The following NEMF variants were observed in gnomAD, a reference collection of about 807,000 sequenced individuals.
NEMF encodes ribosome quality control complex subunit NEMF.
A neutral mutation model predicts 162.2 loss-of-function variants in NEMF; 89 were observed. The ratio of observed to expected loss-of-function variants is 0.55; its 90% CI spans 0.46 to 0.65. NEMF has a LOEUF of 0.65. Ranked by LOEUF, NEMF falls within the 30% of genes least tolerant of loss-of-function variation. NEMF has a pLI of 0.00. For synonymous variants in NEMF, 421 were observed against 404.5 expected, an observed-to-expected ratio of 1.04 and a Z score of -0.49; for missense variants, 1,133 against 1,261.9, an observed-to-expected ratio of 0.90 and a Z score of 1.55.
rs778561811 is a variant in NEMF at position 49,782,523 on chromosome 14, C to T, written c.*2113G>A. 5 of 1,602,446 alleles carry T rather than the reference C, an allele frequency of 3.1e-6. No individual in the cohort carries two copies. The highest frequency in any genetic ancestry group is 4.3e-6 in the Non-Finnish European group (5 of 1,171,654). Reference sequence around the variant, plus strand: ...CAAAGCATTTGCTTTTAAATGTGTTCTTCCTATTTATTTTTCAGGCACACA... The same window carrying T: ...CAAAGCATTTGCTTTTAAATGTGTTTTTCCTATTTATTTTTCAGGCACACA... On this transcript the variant is annotated 3_prime_UTR_variant, in exon 33 of 33. Transcript: ENST00000298310.
Position 49,829,050 on chromosome 14 carries a change from T to C in NEMF, c.1232+4A>G, listed in dbSNP as rs148593806. On this transcript the variant is annotated splice_donor_region_variant and intron_variant, in intron 13 of 32. Transcript: ENST00000298310. ...TTAACTGCTTGACTAAGAGTCAAAC[T>C]TACCTTAGCAGCATTGTAACATGGT... is the stretch of plus-strand genomic sequence containing the variant. The C allele has an allele frequency of 3.3e-4, 538 of 1,612,162 alleles. 1 individual carries two copies. In the African/African-American group the frequency reaches 5.3e-3, roughly 16 times the overall value.
In NEMF at chr14:49,789,309, T is replaced by G. The variant is rs780954215; in HGVS notation, c.2732A>C (p.Lys911Thr). 6.2e-7 allele frequency: 1 copy of G among 1,614,062 alleles called. No homozygotes were observed. The highest frequency in any genetic ancestry group is 1.3e-5 in the African/African-American group (1 of 74,942). ...AGSNKEEKGK[K>T]GKKGKTKDEP... ...GTCCTTTGTTTTTCCTTTCTTCCCC[T>G]TCTTCCCTTTTTCTTCTTTGTTTGA... The change falls in exon 28 of 33, where the codon AAG becomes ACG. Residue 911 changes from lysine to threonine, a missense_variant. By Grantham distance (78) the Lys-to-Thr change is moderately conservative. This residue lies in a region of NEMF where 532 missense variants were observed against 578.6 expected (regional missense o/e 0.92). Transcript: ENST00000298310.
intron 5 of NEMF, among the ~76,000 whole-genome samples, chr14:49,840,462 A>T (rs1385743837): frequency 0.02 from 2 of 98 alleles, no homozygotes; most frequent in African/African-American, 0.033. Flanking sequence ...ACTCCATCTC[A>T]AAAAAAAAAA....
chr14:49,825,673 C>A (rs1447443594), intron 16 of NEMF, among the ~76,000 whole-genome samples, 194 bp downstream of exon 16: 1 of 152,154 alleles, frequency 6.6e-6, no homozygotes, highest in Non-Finnish European at 1.5e-5. Context: ...GAGGTCAATG[C>A]TACAGTGAGC....
rs35959560 is a variant in NEMF at position 49,784,230 on chromosome 14, G to GT, written c.*405dup. 18 of 152,914 alleles carry GT rather than the reference G, an allele frequency of 1.2e-4. No homozygotes were observed. Among genetic ancestry groups the GT allele is most frequent in the Admixed American group, 9.9e-4 (15 of 15,160 alleles). The allele number at this position is 152,914 out of a possible 1,614,324, so 9.5% of individuals were successfully genotyped here. A position where few individuals can be genotyped will look rare whatever the true frequency, so the allele number is the denominator to read the frequency against. On this transcript the variant is annotated 3_prime_UTR_variant, in exon 33 of 33. Transcript: ENST00000298310. ...CTTTTGGTGAATATAGCAAGGCAAT[G>GT]TTTAGTTCATTTGGCCTGTAATATA...
rs1020309875 is a variant in NEMF at position 49,828,794 on chromosome 14, A to G, written c.1246T>C (p.Leu416=). 1 of 1,538,170 alleles carries G rather than the reference A, an allele frequency of 6.5e-7. No individual in the cohort carries two copies. Among genetic ancestry groups the G allele is most frequent in the Non-Finnish European group, 8.8e-7 (1 of 1,138,556 alleles). The change falls in exon 14 of 33, where the codon TTA becomes CTA. Residue 416 remains leucine, a synonymous_variant. Coordinates refer to ENST00000298310, the MANE Select transcript of NEMF (RefSeq NM_004713.6). ...ACATCATCATCTTCCTCCTCTGATA[A>G]CAAGTATGGATTTCTATTAAAAATA... ...VTMLLRNPYL[L]SEEEDDDVDG...
At chr14:49,821,593 G>C (rs1285509695) in intron 16 of NEMF, among the ~76,000 whole-genome samples, 1 of 101,274 alleles carries the variant, frequency 9.9e-6, no homozygotes, top group Non-Finnish European at 2.1e-5. Flanking sequence ...AGGTGGGGGG[G>C]TCAGCCCCCC....
At chr14:49,846,026 T>C (rs1473106073) in intron 4 of NEMF, 114 bp downstream of exon 4, 1 of 778,244 alleles carries the variant, frequency 1.3e-6, no homozygotes, top group African/African-American at 1.8e-5. Flanking sequence ...TTTCCTAGGG[T>C]AGTAACAACC....
intron 3 of NEMF, among the ~76,000 whole-genome samples, chr14:49,850,801 A>G (rs1282001350): frequency 1.3e-5 from 2 of 152,208 alleles, no homozygotes; most frequent in African/African-American, 2.4e-5. Flanking sequence ...AAGGTGGGGC[A>G]GGGAGGAGAA....
chr14:49,785,003 A>G lies in NEMF; in HGVS notation c.3075T>C (p.Ala1025=), dbSNP rs764829670. The G allele has an allele frequency of 6.2e-7, 1 of 1,613,440 alleles. No homozygotes were observed. Among genetic ancestry groups the G allele is most frequent in the South Asian group, 1.1e-5 (1 of 91,056 alleles). The change falls in exon 32 of 33, where the codon GCT becomes GCC. Residue 1025 remains alanine, a splice_region_variant and synonymous_variant. Coordinates refer to ENST00000298310, the MANE Select transcript of NEMF (RefSeq NM_004713.6). ...TGAAACTATTCAAGGCTGTTTTTGC[A>G]GCTGTAAATACAAAAAAGAGTAAGA... The part of the protein sequence containing the change: ...LTPGVQKKGK[A]AKTALNSFMH...
chr14:49,792,764 G>A (rs1286840714), intron 26 of NEMF, among the ~76,000 whole-genome samples: 1 of 152,102 alleles, frequency 6.6e-6, no homozygotes, highest in Non-Finnish European at 1.5e-5. Flanking sequence ...AGGATAACTT[G>A]AGCCTAGGAG....
chr14:49,842,579 T>C (rs1439504211), intron 4 of NEMF, among the ~76,000 whole-genome samples: 1 of 152,252 alleles, frequency 6.6e-6, no homozygotes, highest in Non-Finnish European at 1.5e-5. Context: ...GTTTACAAGA[T>C]AGTCACAGAA....
chr14:49,820,221 A>G, intron 16 of NEMF: 3 of 324,442 alleles, frequency 9.2e-6, no homozygotes, highest in South Asian at 7.0e-5. Context: ...AAGTGCTGGG[A>G]TAACAGGCAT....
intron 4 of NEMF, among the ~76,000 whole-genome samples, chr14:49,841,753 T>C (rs562206441): frequency 2.6e-5 from 4 of 152,248 alleles, no homozygotes; most frequent in Admixed American, 6.5e-5. Flanking sequence ...CATTTGGTAA[T>C]GTAGCCCAAT....
intron 26 of NEMF, among the ~76,000 whole-genome samples, chr14:49,793,768 T>C (rs1020238118): frequency 1.3e-5 from 2 of 152,186 alleles, no homozygotes; most frequent in African/African-American, 4.8e-5. Context: ...TAAGAGGAAT[T>C]GCTGAGTCAA....
intron 3 of NEMF, 22 bp from the exon 4 acceptor site, chr14:49,846,287 C>G: frequency 6.2e-7 from 1 of 1,604,676 alleles, no homozygotes; most frequent in Admixed American, 1.8e-5. Flanking sequence ...AAGAAAAAGG[C>G]ATTCATTTAG....
chr14:49,809,557 C>CTATA lies in NEMF; in HGVS notation c.1745-3428_1745-3425dup, dbSNP rs201565997. Reference sequence around the variant, plus strand: ...TTACACATTTGTCCAAACTCAAAGACTATATACATCAAGAGTGAACCCTGG... The same window carrying CTATA: ...TTACACATTTGTCCAAACTCAAAGACTATATATATACATCAAGAGTGAACCCTGG... On this transcript the variant is annotated intron_variant, in intron 18 of 32. Coordinates refer to ENST00000298310, the MANE Select transcript of NEMF (RefSeq NM_004713.6). Among the ~76,000 whole-genome samples the CTATA allele has an allele frequency of 6.4e-3, 980 of 152,236 alleles. 14 individuals are homozygous for CTATA. Among genetic ancestry groups the CTATA allele is most frequent in the African/African-American group, 0.022 (914 of 41,548 alleles).
At chr14:49,845,682 C>T (rs1893464562) in intron 4 of NEMF, among the ~76,000 whole-genome samples, 1 of 152,154 alleles carries the variant, frequency 6.6e-6, no homozygotes, top group Admixed American at 6.5e-5. Context: ...AACTCACACA[C>T]CAGCCTAGGC....
chr14:49,842,719 G>C (rs532923574), intron 4 of NEMF, among the ~76,000 whole-genome samples: 1 of 152,294 alleles, frequency 6.6e-6, no homozygotes, highest in Non-Finnish European at 1.5e-5. Flanking sequence ...TGAAAAACTA[G>C]TAGCAGGCCA....
Sources: allele counts gnomAD v4.1 joint callset (sites outside exome capture counted in the v4.1 genomes callset), GRCh38; gene constraint gnomAD v4.1.1; regional missense constraint gnomAD v4.1.1; transcripts MANE v1.5; gene names NCBI Gene and HGNC (gene_info 2026-07-23, HGNC 2026-07-21).